Variants in DOK6 observed in about 807,000 individuals in gnomAD.
The protein encoded by DOK6 is downstream of tyrosine kinase 6.
A neutral mutation model predicts 44.0 loss-of-function variants in DOK6; 22 were observed. The ratio of observed to expected loss-of-function variants is 0.50; its 90% CI spans 0.36 to 0.71. The LOEUF is 0.71. Ranked by LOEUF, DOK6 falls within the 30% of genes least tolerant of loss-of-function variation. The probability of loss-of-function intolerance (pLI) is 0.00; values close to 1 mark genes in which losing one functional copy is unlikely to be tolerated. For synonymous variants in DOK6, 166 were observed against 145.5 expected (o/e 1.14, Z -1.01); for missense variants, 340 against 416.4 (o/e 0.82, Z 1.60).
rs71370815 is a variant in DOK6 at position 69,434,987 on chromosome 18, G to A, written c.66+33677G>A. Among the ~76,000 whole-genome samples, 866 of 133,148 alleles carry A rather than the reference G, an allele frequency of 6.5e-3. 11 individuals carry two copies. The highest frequency in any genetic ancestry group is 9.9e-3 in the Non-Finnish European group (603 of 61,018). 87.4% of individuals were successfully genotyped at this position (133,148 alleles called of 152,430 possible). A position where few individuals can be genotyped will look rare whatever the true frequency, so the allele number is the denominator to read the frequency against. Reference sequence around the variant, plus strand: ...AGGAAGGAAGGAAGGAAGGAAAGAAGGAAGGAAGGAAGGAAGAAAGATTAG... The same window carrying A: ...AGGAAGGAAGGAAGGAAGGAAAGAAAGAAGGAAGGAAGGAAGAAAGATTAG... On this transcript the variant is annotated intron_variant, in intron 1 of 7. Coordinates refer to ENST00000382713, the MANE Select transcript of DOK6 (RefSeq NM_152721.6).
intron 3 of DOK6, among the ~76,000 whole-genome samples, chr18:69,666,099 T>C (rs4490087): frequency 0.12 from 18,471 of 152,224 alleles, 1,200 homozygotes; most frequent in Non-Finnish European, 0.15. Context: ...CTCGAAAAGC[T>C]CCAAGTTTTA....
At chr18:69,777,757 A>C (rs1385791914) in intron 7 of DOK6, 1 of 151,866 alleles carries the variant, frequency 6.6e-6, no homozygotes, top group Non-Finnish European at 1.5e-5. Flanking sequence ...CTGACAAAAA[A>C]AAAAAAAAAA....
At chr18:69,706,432 G>T (rs1271758900) in intron 5 of DOK6, among the ~76,000 whole-genome samples, 1 of 152,114 alleles carries the variant, frequency 6.6e-6, no homozygotes, top group East Asian at 1.9e-4. Flanking sequence ...TAAAAAACAG[G>T]AAGGACAATT....
intron 1 of DOK6, among the ~76,000 whole-genome samples, chr18:69,469,087 T>C (rs551828398): frequency 7.4e-4 from 112 of 152,262 alleles, no homozygotes; most frequent in African/African-American, 2.6e-3. Context: ...GCTTAGAAAG[T>C]GAATGACTTT....
At chr18:69,625,488 G>A (rs1334355913) in intron 3 of DOK6, among the ~76,000 whole-genome samples, 1 of 152,176 alleles carries the variant, frequency 6.6e-6, no homozygotes, top group Non-Finnish European at 1.5e-5. Context: ...TAGCATTGCA[G>A]TCAGATACAT....
At chr18:69,783,306 A>G (rs58740286) in intron 7 of DOK6, among the ~76,000 whole-genome samples, 2,658 of 152,332 alleles carry the variant, frequency 0.017, 68 homozygotes, top group African/African-American at 0.059. Flanking sequence ...GATATACTAT[A>G]AGAGAGATAC....
intron 2 of DOK6, among the ~76,000 whole-genome samples, chr18:69,580,521 C>T (rs1173733408): frequency 6.6e-6 from 1 of 152,022 alleles, no homozygotes; most frequent in East Asian, 1.9e-4. Context: ...TTTCCTTTTT[C>T]TGTTTTCGGT....
intron 6 of DOK6, among the ~76,000 whole-genome samples, chr18:69,756,441 A>T (rs1979357775): frequency 6.6e-6 from 1 of 152,196 alleles, no homozygotes; most frequent in Admixed American, 6.5e-5. Flanking sequence ...AAAAAGAAAG[A>T]TACCTCAACA....
At chr18:69,645,169 C>T (rs77298111) in intron 3 of DOK6, among the ~76,000 whole-genome samples, 10,587 of 152,130 alleles carry the variant, frequency 0.07, 421 homozygotes, top group Admixed American at 0.1. Flanking sequence ...CCATTTATCA[C>T]GTGTGTGGAT....
chr18:69,446,301 G>A (rs542667793), intron 1 of DOK6, among the ~76,000 whole-genome samples: 16 of 147,892 alleles, frequency 1.1e-4, no homozygotes, highest in South Asian at 2.1e-4. Context: ...GTGAGAACAC[G>A]CGGTGTTTGG....
In DOK6 at chr18:69,431,433, T is replaced by A. The variant is rs1978804153; in HGVS notation, c.66+30123T>A. On this transcript the variant is annotated intron_variant, in intron 1 of 7. Coordinates refer to ENST00000382713, the MANE Select transcript of DOK6 (RefSeq NM_152721.6). ...GTGGGAGGTTTCATTCTTATTTACA[T>A]AATTTCAAACATCAAAGTTTCTGAC... is the stretch of plus-strand genomic sequence containing the variant. 2.0e-5 allele frequency among the ~76,000 whole-genome samples: 3 copies of A among 152,304 alleles called. No homozygotes were observed. The South Asian group carries it at 6.2e-4, about 32-fold the overall frequency.
At chr18:69,511,419 A>G (rs1344402543) in intron 1 of DOK6, among the ~76,000 whole-genome samples, 3 of 152,194 alleles carry the variant, frequency 2.0e-5, no homozygotes, top group Non-Finnish European at 4.4e-5. Flanking sequence ...TGCCTAGGAA[A>G]TAAGGGTAAA....
At chr18:69,677,949 T>G (rs1599258459) in intron 4 of DOK6, 96 bp downstream of exon 4, 2 of 1,469,266 alleles carry the variant, frequency 1.4e-6, no homozygotes, top group East Asian at 5.1e-5. Flanking sequence ...AGACCAATCA[T>G]ATTTTTTAAA....
chr18:69,681,865 G>A (rs1163115515), intron 4 of DOK6, among the ~76,000 whole-genome samples: 1 of 152,198 alleles, frequency 6.6e-6, no homozygotes, highest in East Asian at 1.9e-4. Context: ...TGCAAATGCA[G>A]TTGGAAATGG....
chr18:69,782,858 C>T (rs1980318842), intron 7 of DOK6, among the ~76,000 whole-genome samples: 1 of 152,194 alleles, frequency 6.6e-6, no homozygotes, highest in African/African-American at 2.4e-5. Flanking sequence ...TTGCTATTCA[C>T]TCCTACTATC....
chr18:69,704,309 C>T (rs187944461), intron 5 of DOK6, among the ~76,000 whole-genome samples: 25 of 152,094 alleles, frequency 1.6e-4, no homozygotes, highest in Non-Finnish European at 3.1e-4. Flanking sequence ...CTGCCACAGT[C>T]ATATCTTCTG....
chr18:69,411,348 C>T lies in DOK6; in HGVS notation c.66+10038C>T, dbSNP rs141765459. 1.6e-3 allele frequency among the ~76,000 whole-genome samples: 237 copies of T among 152,162 alleles called. 1 individual carries two copies. Among genetic ancestry groups the T allele is most frequent in the African/African-American group, 5.3e-3 (222 of 41,524 alleles). ...TGTTCATTGTCAAATTAACAAAATTCCTGAGCCTGGGGTGTAGAATAGATT... is the reference window on the plus strand; with the variant it reads ...TGTTCATTGTCAAATTAACAAAATTTCTGAGCCTGGGGTGTAGAATAGATT... On this transcript the variant is annotated intron_variant, in intron 1 of 7. Coordinates refer to ENST00000382713, the MANE Select transcript of DOK6 (RefSeq NM_152721.6).
rs548328734 is a variant in DOK6 at position 69,502,113 on chromosome 18, T to A, written c.67-62374T>A. 1.3e-3 allele frequency among the ~76,000 whole-genome samples: 193 copies of A among 152,264 alleles called. 2 individuals are homozygous for A. The highest frequency in any genetic ancestry group is 4.4e-3 in the African/African-American group (183 of 41,578). On this transcript the variant is annotated intron_variant, in intron 1 of 7. Coordinates refer to ENST00000382713, the MANE Select transcript of DOK6 (RefSeq NM_152721.6). The stretch of plus-strand genomic sequence containing the variant: ...AATTAGATTGACTTTCTAAAAGTGG[T>A]AAATTGTGGTTGCAATACCATTGGT...
chr18:69,563,651 C>G (rs71370305), intron 1 of DOK6, among the ~76,000 whole-genome samples: 1 of 94,824 alleles, frequency 1.1e-5, no homozygotes, highest in Non-Finnish European at 2.0e-5. Context: ...GGGCCTGTTG[C>G]GGGGTGGGGG....
Sources: allele counts gnomAD v4.1 joint callset (sites outside exome capture counted in the v4.1 genomes callset), GRCh38; gene constraint gnomAD v4.1.1; transcripts MANE v1.5; gene names NCBI Gene and HGNC (gene_info 2026-07-23, HGNC 2026-07-21).